Variants in KIAA1217 observed in about 807,000 individuals in gnomAD.
The protein encoded by KIAA1217 is KIAA1217.
Under a neutral mutation model 163.9 loss-of-function variants are expected in KIAA1217, and 88 were observed. The ratio of observed to expected loss-of-function variants is 0.54; its 90% CI spans 0.45 to 0.64. The LOEUF (loss-of-function observed/expected upper bound fraction) is 0.64. Ranked by LOEUF, KIAA1217 falls within the 30% of genes least tolerant of loss-of-function variation. The pLI, the probability that KIAA1217 is intolerant of heterozygous loss-of-function variation, is 0.00. For synonymous variants in KIAA1217, 903 were observed against 923.1 expected (o/e 0.98, Z 0.39); for missense variants, 2,372 against 2,475.0 (o/e 0.96, Z 0.88).
At chr10:24,243,290 G>A (rs774896288) in intron 2 of KIAA1217, among the ~76,000 whole-genome samples, 47 of 152,006 alleles carry the variant, frequency 3.1e-4, no homozygotes, top group Non-Finnish European at 1.8e-4. Context: ...TTAGATTCAG[G>A]GGGTACATGT....
rs1417342157 is a variant in KIAA1217 at position 24,524,750 on chromosome 10, G to A, written c.2884G>A (p.Ala962Thr). 1.9e-6 allele frequency: 3 copies of A among 1,595,808 alleles called. No homozygotes were observed. In the African/African-American group the frequency reaches 4.0e-5, roughly 21 times the overall value. Residue 962 changes from alanine (A) to threonine (T), a missense_variant, in exon 13 of 21, where the codon GCA becomes ACA. Transcript: ENST00000376454. The stretch of plus-strand genomic sequence containing the variant: ...CCACAGTGTGAGTGCCAAGAACAGG[G>A]CAGTGTCTATCGAGGTAGAGTCCTA... Reference protein sequence around the residue: ...EIHSVSAKNRAVSIEKAEKKW... With the variant: ...EIHSVSAKNRTVSIEKAEKKW...
chr10:23,771,530 TG>T (rs1302133851), intron 1 of KIAA1217, among the ~76,000 whole-genome samples: 4 of 152,236 alleles, frequency 2.6e-5, no homozygotes, highest in African/African-American at 9.6e-5. Flanking sequence ...ATAGTATCCC[TG>T]GCCACTGTAC....
At chr10:23,962,480 A>T (rs2131374999) in intron 1 of KIAA1217, among the ~76,000 whole-genome samples, 2 of 152,342 alleles carry the variant, frequency 1.3e-5, no homozygotes, top group South Asian at 4.1e-4. Context: ...CACATTTTAT[A>T]TGCATGTTAA....
At chr10:24,515,190 C>A (rs946962445) in intron 10 of KIAA1217, among the ~76,000 whole-genome samples, 3 of 151,686 alleles carry the variant, frequency 2.0e-5, no homozygotes, top group Non-Finnish European at 2.9e-5. Flanking sequence ...ATGTCAGCCT[C>A]CCGAGTAGCT....
chr10:23,957,210 G>A (rs1447149856), intron 1 of KIAA1217, among the ~76,000 whole-genome samples: 1 of 151,988 alleles, frequency 6.6e-6, no homozygotes, highest in East Asian at 1.9e-4. Context: ...GCTGGCCCTC[G>A]TGTGCCTGGC....
intron 2 of KIAA1217, among the ~76,000 whole-genome samples, chr10:24,289,966 C>A (rs1022297178): frequency 1.3e-5 from 2 of 152,092 alleles, no homozygotes; most frequent in African/African-American, 4.8e-5. Context: ...TGGGAGCCAA[C>A]AGGTTGTTAT....
At chr10:23,758,817 G>T (rs1834079490) in intron 1 of KIAA1217, among the ~76,000 whole-genome samples, 1 of 150,740 alleles carries the variant, frequency 6.6e-6, no homozygotes, top group South Asian at 2.1e-4. Context: ...CTCCCAAGTA[G>T]CTGGGATTAC....
At chr10:23,858,046 A>C (rs1425847931) in intron 1 of KIAA1217, among the ~76,000 whole-genome samples, 3 of 151,882 alleles carry the variant, frequency 2.0e-5, no homozygotes, top group Non-Finnish European at 4.4e-5. Context: ...GAAGGGGAGG[A>C]AGAACAAAGT....
At chr10:24,196,950 A>G (rs2067018012) in intron 2 of KIAA1217, among the ~76,000 whole-genome samples, 1 of 152,176 alleles carries the variant, frequency 6.6e-6, no homozygotes, top group African/African-American at 2.4e-5. Context: ...CCCAACAAAT[A>G]TTTCTGGAGT....
chr10:24,323,281 C>A (rs1246522774), intron 2 of KIAA1217, among the ~76,000 whole-genome samples: 5 of 152,134 alleles, frequency 3.3e-5, no homozygotes, highest in Admixed American at 1.3e-4. Context: ...GGACTTGTTA[C>A]TCCTGGCCCA....
At chr10:24,432,642 A>C (rs974532295) in intron 3 of KIAA1217, among the ~76,000 whole-genome samples, 30 of 151,454 alleles carry the variant, frequency 2.0e-4, no homozygotes, top group African/African-American at 6.6e-4. Context: ...TTCCAAAGAG[A>C]TGGGATCTTG....
intron 1 of KIAA1217, among the ~76,000 whole-genome samples, chr10:23,740,071 T>C (rs374323128): frequency 6.6e-6 from 1 of 152,188 alleles, no homozygotes; most frequent in African/African-American, 2.4e-5. Flanking sequence ...GAGATGCCTA[T>C]GTAAGTGGAG....
At chr10:24,170,277 C>G (rs1022313333) in intron 2 of KIAA1217, among the ~76,000 whole-genome samples, 1 of 152,290 alleles carries the variant, frequency 6.6e-6, no homozygotes, top group East Asian at 1.9e-4. Context: ...TAAATAGACT[C>G]GCTCCTGAAA....
intron 2 of KIAA1217, among the ~76,000 whole-genome samples, chr10:24,193,483 C>A (rs539031871): frequency 6.6e-6 from 1 of 152,206 alleles, no homozygotes; most frequent in African/African-American, 2.4e-5. Flanking sequence ...GGCGATCTGT[C>A]CTGCTCAGCT....
intron 1 of KIAA1217, among the ~76,000 whole-genome samples, chr10:23,960,199 G>A (rs1005435254): frequency 2.0e-5 from 3 of 152,110 alleles, no homozygotes; most frequent in Non-Finnish European, 4.4e-5. Context: ...ACAGGTGTAA[G>A]CCACCACGCC....
chr10:23,813,678 C>G (rs971922375), intron 1 of KIAA1217, among the ~76,000 whole-genome samples: 1 of 152,132 alleles, frequency 6.6e-6, no homozygotes, highest in Admixed American at 6.6e-5. Context: ...TTATTAAGGG[C>G]TAAAACACAT....
intron 2 of KIAA1217, among the ~76,000 whole-genome samples, chr10:24,115,386 T>C (rs1433369697): frequency 6.6e-6 from 1 of 152,150 alleles, no homozygotes; most frequent in African/African-American, 2.4e-5. Flanking sequence ...TTTAGGAAAA[T>C]TAAAGCAGAG....
At chr10:23,837,633 A>C (rs1838544667) in intron 1 of KIAA1217, among the ~76,000 whole-genome samples, 1 of 152,118 alleles carries the variant, frequency 6.6e-6, no homozygotes, top group Non-Finnish European at 1.5e-5. Context: ...TCCTGGGCTG[A>C]ATCAGTCCTC....
intron 2 of KIAA1217, among the ~76,000 whole-genome samples, chr10:24,028,945 CAGAA>C (rs903290002): frequency 6.6e-6 from 1 of 152,054 alleles, no homozygotes; most frequent in Non-Finnish European, 1.5e-5. Flanking sequence ...CAATTCTTTC[CAGAA>C]AGCAGGCTTT....
Sources: gnomAD v4.1 joint callset for allele counts (sites outside exome capture counted in the v4.1 genomes callset) on GRCh38, gnomAD v4.1.1 for gene constraint, MANE v1.5 for transcripts, NCBI Gene and HGNC (gene_info 2026-07-23, HGNC 2026-07-21) for gene names.